The following CAPRIN1 variants were observed in gnomAD, a reference collection of about 807,000 sequenced individuals.
CAPRIN1 encodes the protein cell cycle associated protein 1.
A neutral mutation model predicts 100.9 loss-of-function variants in CAPRIN1; 29 were observed. That is an observed-to-expected ratio of 0.29 (90% CI 0.21 to 0.39). CAPRIN1 has a LOEUF of 0.39. CAPRIN1 is among the 10% of genes least tolerant of loss of function. The probability of loss-of-function intolerance (pLI) is 1.00; values close to 1 mark genes in which losing one functional copy is unlikely to be tolerated. For missense variants in CAPRIN1, 795 were observed against 876.7 expected (o/e 0.91, Z 1.18); for synonymous variants, 338 against 307.5 (o/e 1.10, Z -1.04).
At chr11:34,054,531 G>T (rs569740979) in intron 2 of CAPRIN1, among the ~76,000 whole-genome samples, 43 of 151,914 alleles carry the variant, frequency 2.8e-4, no homozygotes, top group Non-Finnish European at 5.6e-4. Flanking sequence ...GGGTTCAAGC[G>T]ATTCTCCTCC....
At chr11:34,082,454 G>C (rs537174099) in intron 7 of CAPRIN1, among the ~76,000 whole-genome samples, 1 of 152,214 alleles carries the variant, frequency 6.6e-6, no homozygotes, top group Non-Finnish European at 1.5e-5. Flanking sequence ...CTTCCAAAGT[G>C]CTGGGATTAC....
In CAPRIN1 at chr11:34,092,031, G is replaced by A. The variant is rs777067781; in HGVS notation, c.1680G>A (p.Glu560=). The A allele has an allele frequency of 6.2e-7, 1 of 1,614,024 alleles. No homozygotes were observed. The highest frequency in any genetic ancestry group is 2.2e-5 in the East Asian group (1 of 44,876). ...AGCCTCACCAAGTAGAACAAACAGAGCTTCAGCAAGAACAGCTTCAAACAG... is the reference window on the plus strand; with the variant it reads ...AGCCTCACCAAGTAGAACAAACAGAACTTCAGCAAGAACAGCTTCAAACAG... The part of the protein sequence containing the change: ...SSQPHQVEQT[E]LQQEQLQTVV... Residue 560 remains glutamate (E), a synonymous_variant, in exon 15 of 19, where the codon GAG becomes GAA. Coordinates refer to ENST00000341394, the MANE Select transcript of CAPRIN1 (RefSeq NM_005898.5).
Position 34,052,412 on chromosome 11 carries a change from G to C in CAPRIN1, c.1-9G>C, listed in dbSNP as rs1490323581. On this transcript the variant is annotated splice_polypyrimidine_tract_variant and intron_variant, in intron 1 of 18. Coordinates refer to ENST00000341394, the MANE Select transcript of CAPRIN1 (RefSeq NM_005898.5). The stretch of plus-strand genomic sequence containing the variant: ...CCCGCTTTTTCTTCTCTCTCCTTGC[G>C]GTCTGAAGATGCCCTCGGCCACCAG... 1.2e-6 allele frequency: 2 copies of C among 1,604,100 alleles called. No homozygotes were observed. Among genetic ancestry groups the C allele is most frequent in the Non-Finnish European group, 1.7e-6 (2 of 1,176,850 alleles).
At position 34,100,495 on chromosome 11, in the gene CAPRIN1, G is replaced by A. The variant is rs1337067704; in HGVS notation, c.*1128G>A. 3 of 152,214 alleles carry A rather than the reference G, an allele frequency of 2.0e-5. No homozygotes were observed. The highest frequency in any genetic ancestry group is 2.1e-4 in the South Asian group (1 of 4,828). The allele number at this position is 152,214 out of a possible 1,614,324, so 9.4% of individuals were successfully genotyped here. On this transcript the variant is annotated 3_prime_UTR_variant, in exon 19 of 19. Transcript: ENST00000341394. ...ATGGTATAAGCAAAACAAATAAAAC[G>A]TTTATAAAAGTTGTATCTTGAAACA...
chr11:34,056,887 C>G (rs1850462800), intron 2 of CAPRIN1, among the ~76,000 whole-genome samples: 1 of 152,186 alleles, frequency 6.6e-6, no homozygotes, highest in Non-Finnish European at 1.5e-5. Flanking sequence ...CACTAAGTGA[C>G]CAAAACTGAT....
rs1161060498 is a variant in CAPRIN1, at chr11:34,099,521, C to T, written c.*154C>T. ...CCCATAAAGACAGGACTACAATTGT[C>T]AGCTTTCTATTACCTGGATATGGAA... On this transcript the variant is annotated 3_prime_UTR_variant, in exon 19 of 19. Transcript: ENST00000341394. The T allele has an allele frequency of 2.0e-5, 13 of 656,576 alleles. No homozygotes were observed. The highest frequency in any genetic ancestry group is 1.6e-4 in the East Asian group (6 of 36,548). The allele number at this position is 656,576 out of a possible 1,614,324, so 40.7% of individuals were successfully genotyped here. A position where few individuals can be genotyped will look rare whatever the true frequency, so the allele number is the denominator to read the frequency against.
chr11:34,060,527 CAT>C (rs1417053280), intron 2 of CAPRIN1, among the ~76,000 whole-genome samples: 2 of 152,170 alleles, frequency 1.3e-5, no homozygotes, highest in East Asian at 3.9e-4. Flanking sequence ...GTTATCTAAA[CAT>C]AGAAATAACT....
Position 34,101,001 on chromosome 11 carries a change from A to G in CAPRIN1, c.*1634A>G, listed in dbSNP as rs1851446048. On this transcript the variant is annotated 3_prime_UTR_variant, in exon 19 of 19. Transcript: ENST00000341394. ...TTTAAAAACAAAACTATTCTCAAACATTCATCATTAGACAACTGGAGTTTT... is the reference window on the plus strand; with the variant it reads ...TTTAAAAACAAAACTATTCTCAAACGTTCATCATTAGACAACTGGAGTTTT... The G allele has an allele frequency of 6.6e-6, 1 of 152,650 alleles. No homozygotes were observed. Among genetic ancestry groups the G allele is most frequent in the African/African-American group, 2.4e-5 (1 of 41,460 alleles). The allele number at this position is 152,650 out of a possible 1,614,324, so 9.5% of individuals were successfully genotyped here. A position where few individuals can be genotyped will look rare whatever the true frequency, so the allele number is the denominator to read the frequency against.
intron 2 of CAPRIN1, chr11:34,053,611 T>A (rs905514217): frequency 6.8e-6 from 1 of 146,708 alleles, no homozygotes; most frequent in South Asian, 2.2e-4. Flanking sequence ...AAAAAAAAAA[T>A]CGAGCCACAC....
chr11:34,084,058 C>CT (rs1283688747), intron 9 of CAPRIN1, among the ~76,000 whole-genome samples: 1 of 151,972 alleles, frequency 6.6e-6, no homozygotes, highest in Non-Finnish European at 1.5e-5. Context: ...GACAGAGACT[C>CT]TGTCTCAAGA....
chr11:34,096,704 C>G, intron 16 of CAPRIN1, 31 bp downstream of exon 16: 1 of 1,503,198 alleles, frequency 6.7e-7, no homozygotes, highest in Non-Finnish European at 9.0e-7. Flanking sequence ...GTTCTAATGA[C>G]CTTTTACTAG....
chr11:34,052,971 C>T (rs1392601979), intron 2 of CAPRIN1: 8 of 1,094,482 alleles, frequency 7.3e-6, no homozygotes, highest in South Asian at 2.7e-5. Context: ...TGTATGGTGC[C>T]CTTCTTTCCG....
chr11:34,073,135 CA>C (rs1417588767), intron 4 of CAPRIN1, among the ~76,000 whole-genome samples: 1 of 152,106 alleles, frequency 6.6e-6, no homozygotes, highest in Non-Finnish European at 1.5e-5. Flanking sequence ...TTTGCTGAAA[CA>C]AAAAAGTTTA....
chr11:34,099,002 C>G (rs1851413272), intron 18 of CAPRIN1: 4 of 1,248,118 alleles, frequency 3.2e-6, no homozygotes, highest in Non-Finnish European at 4.1e-6. Flanking sequence ...ATTCCCAACG[C>G]TTGATGATGG....
chr11:34,084,201 G>T (rs184431748), intron 9 of CAPRIN1, among the ~76,000 whole-genome samples: 1 of 151,898 alleles, frequency 6.6e-6, no homozygotes, highest in Admixed American at 6.6e-5. Context: ...TGATCTGCCC[G>T]TTTCAGCCTC....
intron 2 of CAPRIN1, among the ~76,000 whole-genome samples, chr11:34,066,760 G>C (rs1850704532): frequency 6.6e-6 from 1 of 151,674 alleles, no homozygotes; most frequent in Admixed American, 6.6e-5. Context: ...CGAGTAGCTG[G>C]GACTACAAGC....
intron 6 of CAPRIN1, 135 bp downstream of exon 6, chr11:34,076,777 A>C: frequency 3.1e-6 from 2 of 652,010 alleles, no homozygotes; most frequent in Admixed American, 5.7e-5. Flanking sequence ...TCTGTTGCCC[A>C]GGTTGGAGTG....
chr11:34,077,932 TAAAA>T (rs1254905870), intron 6 of CAPRIN1, among the ~76,000 whole-genome samples: 4 of 152,204 alleles, frequency 2.6e-5, no homozygotes, highest in Admixed American at 6.5e-5. Context: ...CTTGTTAACT[TAAAA>T]AAGTAGTTTT....
chr11:34,091,143 T>A (rs1411583678), intron 14 of CAPRIN1, among the ~76,000 whole-genome samples: 1 of 152,212 alleles, frequency 6.6e-6, no homozygotes, highest in Non-Finnish European at 1.5e-5. Context: ...GGGGTGCAGC[T>A]AAATCGGTGC....
Sources: gnomAD v4.1 joint callset for allele counts (sites outside exome capture counted in the v4.1 genomes callset) on GRCh38, gnomAD v4.1.1 for gene constraint, MANE v1.5 for transcripts, NCBI Gene and HGNC (gene_info 2026-07-23, HGNC 2026-07-21) for gene names.